The following KTN1 variants were observed in gnomAD, a reference collection of about 807,000 sequenced individuals.
KTN1 encodes kinectin.
KTN1 carries 130 observed loss-of-function variants against 222.5 expected under a neutral mutation model. That is an observed-to-expected ratio of 0.58 (90% CI 0.51 to 0.68). The LOEUF (loss-of-function observed/expected upper bound fraction) is 0.68, where lower values mean the gene tolerates loss of function less well. Among genes scored for constraint, KTN1 ranks in the 30% least tolerant of loss-of-function variants. The pLI, the probability that KTN1 is intolerant of heterozygous loss-of-function variation, is 0.00. For synonymous variants in KTN1, 512 were observed against 496.3 expected (o/e 1.03, Z -0.42); for missense variants, 1,508 against 1,500.4 (o/e 1.01, Z -0.08).
At chr14:55,630,219 T>A (rs1566750278) in intron 7 of KTN1, 122 bp downstream of exon 7, 1 of 859,116 alleles carries the variant, frequency 1.2e-6, no homozygotes, top group East Asian at 2.6e-5. Flanking sequence ...GCTAGTGAAG[T>A]TCACTCTGCG....
At chr14:55,621,468 T>G (rs1193290574) in intron 5 of KTN1, among the ~76,000 whole-genome samples, 1 of 152,190 alleles carries the variant, frequency 6.6e-6, no homozygotes, top group African/African-American at 2.4e-5. Flanking sequence ...TTTAATGGAC[T>G]CACAGTTTCA....
intron 20 of KTN1, 82 bp downstream of exon 20, chr14:55,648,197 C>A: frequency 1.5e-6 from 1 of 649,414 alleles, no homozygotes; most frequent in Non-Finnish European, 2.6e-6. Context: ...TAAGGTTTTT[C>A]CCATAGATCT....
chr14:55,634,653 T>A lies in KTN1; in HGVS notation c.1456T>A (p.Leu486Met). Reference protein sequence around the residue: ...KKNAEQAATQLKVQLQEAERR... With the variant: ...KKNAEQAATQMKVQLQEAERR... ...GAATGCTGAGCAAGCAGCTACTCAGTTGAAGGTGATATATTCTCACCTTTA... is the reference window on the plus strand; with the variant it reads ...GAATGCTGAGCAAGCAGCTACTCAGATGAAGGTGATATATTCTCACCTTTA... The change falls in exon 9 of 44, where the codon TTG (leucine) becomes ATG (methionine). Residue 486 changes from leucine to methionine, a missense_variant. Physicochemically the swap from Leu to Met is conservative, Grantham distance 15. Coordinates refer to ENST00000395314, the MANE Select transcript of KTN1 (RefSeq NM_001079521.2). The A allele has an allele frequency of 1.2e-6, 2 of 1,610,608 alleles. No homozygotes were observed.
At chr14:55,680,802 A>C in intron 43 of KTN1, 2 of 878,258 alleles carry the variant, frequency 2.3e-6, no homozygotes, top group Non-Finnish European at 3.5e-6. Flanking sequence ...CAACATATCA[A>C]CAAAAGTAAT....
intron 43 of KTN1, chr14:55,683,320 C>T (rs559185115): frequency 2.0e-5 from 3 of 152,154 alleles, no homozygotes; most frequent in East Asian, 3.9e-4. Context: ...GTACAACACC[C>T]GTAAACCCTC....
chr14:55,656,996 A>G (rs1007026630), intron 29 of KTN1, among the ~76,000 whole-genome samples: 4 of 152,234 alleles, frequency 2.6e-5, no homozygotes, highest in Non-Finnish European at 5.9e-5. Flanking sequence ...TGCAGTTAGT[A>G]TTCAACTTAC....
In KTN1 at chr14:55,612,496, A is replaced by G. The variant is rs1374862491; in HGVS notation, c.448A>G (p.Lys150Glu). Reference sequence around the variant, plus strand: ...AAAAGTAGAACCTGTCCCAGTTACTAAACAGCCCACCCCTCCCTCTGAAGC... The same window carrying G: ...AAAAGTAGAACCTGTCCCAGTTACTGAACAGCCCACCCCTCCCTCTGAAGC... ...GKKVEPVPVTKQPTPPSEAAA... is the reference protein window; with the variant it reads ...GKKVEPVPVTEQPTPPSEAAA... The change falls in exon 2 of 44, where the codon AAA (lysine) becomes GAA (glutamate). Residue 150 changes from lysine (K) to glutamate (E), a missense_variant. Coordinates refer to ENST00000395314, the MANE Select transcript of KTN1 (RefSeq NM_001079521.2). 8 of 1,614,070 alleles carry G rather than the reference A, an allele frequency of 5.0e-6. No individual in the cohort carries two copies. Among genetic ancestry groups the G allele is most frequent in the South Asian group, 2.2e-5 (2 of 91,006 alleles).
intron 7 of KTN1, among the ~76,000 whole-genome samples, chr14:55,632,805 T>C (rs1037393043): frequency 3.3e-5 from 5 of 152,222 alleles, no homozygotes; most frequent in African/African-American, 1.2e-4. Context: ...TGTAACTTAA[T>C]ATAAAGTGTA....
intron 18 of KTN1, among the ~76,000 whole-genome samples, chr14:55,645,314 G>A (rs1259725587): frequency 6.6e-6 from 1 of 152,178 alleles, no homozygotes; most frequent in Non-Finnish European, 1.5e-5. Flanking sequence ...GATGTAAGGA[G>A]TAGAGAAAGA....
chr14:55,674,743 T>G (rs1262668734), intron 40 of KTN1: 1 of 152,204 alleles, frequency 6.6e-6, no homozygotes, highest in Non-Finnish European at 1.5e-5. Flanking sequence ...ATCCCTCTAC[T>G]TCTGTCAGGA....
At chr14:55,637,021 TCTA>T (rs2041208538) in intron 10 of KTN1, among the ~76,000 whole-genome samples, 174 bp from the exon 11 acceptor site, 1 of 152,108 alleles carries the variant, frequency 6.6e-6, no homozygotes, top group Non-Finnish European at 1.5e-5. Context: ...TGTTTATTTC[TCTA>T]CTACTCCCTT....
rs541385064 is a variant in KTN1 at position 55,640,934 on chromosome 14, C to G, written c.1985C>G (p.Ala662Gly). The change falls in exon 16 of 44, where the codon GCT becomes GGT. Residue 662 changes from alanine (A) to glycine (G), a missense_variant and splice_region_variant. Physicochemically the swap from Ala to Gly is moderately conservative, Grantham distance 60. Coordinates refer to ENST00000395314, the MANE Select transcript of KTN1 (RefSeq NM_001079521.2). ...ATTTTCTTCTCATTCCACACACAGG[C>G]TGCTGCTGCACATGAATTGGAGAAG... ...QKLQALANEQ[A>G]AAAHELEKMQ... 1 of 1,611,298 alleles carries G rather than the reference C, an allele frequency of 6.2e-7. No individual in the cohort carries two copies.
intron 1 of KTN1, among the ~76,000 whole-genome samples, chr14:55,588,957 A>T (rs2033579039): frequency 1.3e-5 from 2 of 151,730 alleles, no homozygotes; most frequent in Non-Finnish European, 2.9e-5. Context: ...TCTCCAAAAA[A>T]TTTTCCAATA....
chr14:55,608,347 G>A (rs934519668), intron 1 of KTN1, among the ~76,000 whole-genome samples: 5 of 152,024 alleles, frequency 3.3e-5, no homozygotes, highest in African/African-American at 1.2e-4. Flanking sequence ...AATATTTTAT[G>A]AATTTATCAT....
At chr14:55,600,908 G>T (rs138208314) in intron 1 of KTN1, among the ~76,000 whole-genome samples, 19 of 151,870 alleles carry the variant, frequency 1.3e-4, no homozygotes, top group African/African-American at 4.6e-4. Context: ...CTTTTAACCA[G>T]ATTATTTCCC....
At chr14:55,646,685 T>A (rs2042401032) in intron 18 of KTN1, among the ~76,000 whole-genome samples, 1 of 151,884 alleles carries the variant, frequency 6.6e-6, no homozygotes, top group Admixed American at 6.6e-5. Context: ...TGAGGCAGAT[T>A]GTCTTAAGGT....
chr14:55,648,280 A>G (rs2042596649), intron 20 of KTN1, among the ~76,000 whole-genome samples, 165 bp downstream of exon 20: 1 of 152,218 alleles, frequency 6.6e-6, no homozygotes, highest in South Asian at 2.1e-4. Flanking sequence ...TTAGAAGTTA[A>G]AAATGCATAA....
chr14:55,672,723 C>A, intron 38 of KTN1, 22 bp downstream of exon 38: 2 of 1,473,146 alleles, frequency 1.4e-6, no homozygotes, highest in South Asian at 1.1e-5. Context: ...GATTGTTTTA[C>A]TTGTAACCTA....
At chr14:55,584,001 C>G (rs1233235110) in intron 1 of KTN1, among the ~76,000 whole-genome samples, 1 of 152,206 alleles carries the variant, frequency 6.6e-6, no homozygotes, top group Admixed American at 6.5e-5. Flanking sequence ...GCAAGCCATT[C>G]TTATCTCTTA....
Sources: gnomAD v4.1 joint callset for allele counts (sites outside exome capture counted in the v4.1 genomes callset) on GRCh38, gnomAD v4.1.1 for gene constraint, MANE v1.5 for transcripts, NCBI Gene and HGNC (gene_info 2026-07-23, HGNC 2026-07-21) for gene names.